The following GAB1 variants were observed in gnomAD, a reference collection of about 807,000 sequenced individuals.
The protein encoded by GAB1 is GRB2 associated binding protein 1, also known as GRB2-associated-binding protein 1.
Under a neutral mutation model 66.5 loss-of-function variants are expected in GAB1, and 19 were observed. The ratio of observed to expected loss-of-function variants is 0.29; its 90% CI spans 0.20 to 0.42. The LOEUF is 0.42. Among genes scored for constraint, GAB1 ranks in the 10% least tolerant of loss-of-function variants. GAB1 has a pLI of 1.00. For synonymous variants in GAB1, 294 were observed against 301.4 expected (o/e 0.98, Z 0.25); for missense variants, 732 against 858.5 (o/e 0.85, Z 1.84).
At chr4:143,443,417 T>C (rs1734345878) in intron 6 of GAB1, among the ~76,000 whole-genome samples, 2 of 152,224 alleles carry the variant, frequency 1.3e-5, no homozygotes, top group Admixed American at 6.5e-5. Context: ...TACAAAGTTA[T>C]GACTTCATAA....
intron 1 of GAB1, among the ~76,000 whole-genome samples, chr4:143,399,716 A>T (rs1381052609): frequency 6.6e-6 from 1 of 152,178 alleles, no homozygotes; most frequent in Non-Finnish European, 1.5e-5. Flanking sequence ...GATTTTTAGC[A>T]GTCTTATTTT....
intron 6 of GAB1, among the ~76,000 whole-genome samples, chr4:143,457,059 C>T (rs1402634421): frequency 2.0e-5 from 3 of 152,124 alleles, no homozygotes; most frequent in Non-Finnish European, 4.4e-5. Flanking sequence ...ATTGGGCAAC[C>T]AGTGAGTATC....
rs1043061572 is a variant in GAB1 at position 143,470,381 on chromosome 4, G to T, written c.*1192G>T. ...TTCCACTGAAAGAATTACGGATTTT[G>T]TACTGTGATTTATATTCACTGCCCC... On this transcript the variant is annotated 3_prime_UTR_variant, in exon 10 of 10. Transcript: ENST00000262994. 5.9e-5 allele frequency: 9 copies of T among 152,142 alleles called. No individual in the cohort carries two copies. Among genetic ancestry groups the T allele is most frequent in the African/African-American group, 1.7e-4 (7 of 41,514 alleles). 9.4% of individuals were successfully genotyped at this position (152,142 alleles called of 1,614,324 possible).
chr4:143,439,743 A>G (rs1395421209), intron 4 of GAB1, 59 bp from the exon 5 acceptor site: 2 of 1,182,024 alleles, frequency 1.7e-6, no homozygotes, highest in Admixed American at 1.7e-5. Context: ...GGTCATCCCA[A>G]TGACCCTGAG....
chr4:143,344,271 G>T (rs1728919319), intron 1 of GAB1, among the ~76,000 whole-genome samples: 1 of 152,136 alleles, frequency 6.6e-6, no homozygotes, highest in South Asian at 2.1e-4. Context: ...TCGTGTTGGG[G>T]GGGAGAGAAT....
intron 6 of GAB1, among the ~76,000 whole-genome samples, chr4:143,452,271 G>A (rs569657856): frequency 1.3e-5 from 2 of 152,146 alleles, no homozygotes; most frequent in East Asian, 3.9e-4. Context: ...GGCATACTTG[G>A]GGACGATTCC....
chr4:143,432,800 T>G (rs1006381890), intron 2 of GAB1, among the ~76,000 whole-genome samples: 1 of 152,230 alleles, frequency 6.6e-6, no homozygotes, highest in African/African-American at 2.4e-5. Flanking sequence ...GCTCTTTTCA[T>G]ATTTCTCTCA....
chr4:143,376,515 A>G (rs559010163), intron 1 of GAB1, among the ~76,000 whole-genome samples: 45 of 152,350 alleles, frequency 3.0e-4, no homozygotes, highest in Middle Eastern at 3.4e-3. Flanking sequence ...AAAAAGAGAT[A>G]TAGAAGAGTA....
At chr4:143,383,221 A>G (rs1220914074) in intron 1 of GAB1, among the ~76,000 whole-genome samples, 1 of 152,170 alleles carries the variant, frequency 6.6e-6, no homozygotes, top group Admixed American at 6.5e-5. Context: ...CTGTATTTCC[A>G]TAAGTTATGG....
chr4:143,419,001 A>G (rs1173913276), intron 2 of GAB1, among the ~76,000 whole-genome samples: 1 of 152,076 alleles, frequency 6.6e-6, no homozygotes, highest in Admixed American at 6.6e-5. Context: ...TAGTTCACCA[A>G]ATTATTTGAG....
At chr4:143,374,582 T>C (rs1232107542) in intron 1 of GAB1, among the ~76,000 whole-genome samples, 2 of 152,186 alleles carry the variant, frequency 1.3e-5, no homozygotes, top group Non-Finnish European at 2.9e-5. Context: ...AGCTGACTTT[T>C]AGTTGACTAA....
intron 6 of GAB1, among the ~76,000 whole-genome samples, chr4:143,456,424 T>G (rs898684385): frequency 2.0e-5 from 3 of 150,734 alleles, no homozygotes; most frequent in Non-Finnish European, 4.4e-5. Flanking sequence ...GCCATTGCAC[T>G]CTAGCCTGGG....
chr4:143,409,280 T>C (rs1732230066), intron 1 of GAB1, among the ~76,000 whole-genome samples: 1 of 152,158 alleles, frequency 6.6e-6, no homozygotes, highest in Non-Finnish European at 1.5e-5. Context: ...TGAGGCCATC[T>C]GTGGAGGTGA....
At chr4:143,360,959 AT>A (rs934406400) in intron 1 of GAB1, among the ~76,000 whole-genome samples, 3 of 152,202 alleles carry the variant, frequency 2.0e-5, no homozygotes, top group Non-Finnish European at 4.4e-5. Flanking sequence ...CAAAACTTAC[AT>A]TTTTTAATTT....
At chr4:143,389,567 G>C (rs1372496368) in intron 1 of GAB1, among the ~76,000 whole-genome samples, 1 of 152,110 alleles carries the variant, frequency 6.6e-6, no homozygotes, top group Non-Finnish European at 1.5e-5. Flanking sequence ...TTTTCTTGTG[G>C]TTTATGCATT....
chr4:143,367,093 C>A (rs547424914), intron 1 of GAB1, among the ~76,000 whole-genome samples: 1 of 152,262 alleles, frequency 6.6e-6, no homozygotes, highest in East Asian at 1.9e-4. Context: ...CAGATTCTAA[C>A]CATGAGACAG....
intron 6 of GAB1, 57 bp downstream of exon 6, chr4:143,440,439 T>C: frequency 7.0e-7 from 1 of 1,436,054 alleles, no homozygotes; most frequent in South Asian, 1.4e-5. Flanking sequence ...GATCTATCTT[T>C]AACTGCCATT....
chr4:143,406,924 T>C (rs1578666258), intron 1 of GAB1, among the ~76,000 whole-genome samples: 1 of 152,210 alleles, frequency 6.6e-6, no homozygotes, highest in East Asian at 1.9e-4. Context: ...TATACTTAGC[T>C]TGCCCCACAG....
intron 2 of GAB1, among the ~76,000 whole-genome samples, chr4:143,419,022 C>T (rs1395333404): frequency 2.6e-5 from 4 of 152,020 alleles, no homozygotes; most frequent in South Asian, 2.1e-4. Flanking sequence ...TTTGCTGACA[C>T]TCTACTAGGC....
Sources: gnomAD v4.1 joint callset for allele counts (sites outside exome capture counted in the v4.1 genomes callset) on GRCh38, gnomAD v4.1.1 for gene constraint, MANE v1.5 for transcripts, NCBI Gene and HGNC (gene_info 2026-07-23, HGNC 2026-07-21) for gene names.